The following ERG28 variants were observed in gnomAD, a reference collection of about 807,000 sequenced individuals.
The protein encoded by ERG28 is ergosterol biosynthetic protein 28 homolog.
ERG28 carries 9 observed loss-of-function variants against 15.7 expected under a neutral mutation model. The ratio of observed to expected loss-of-function variants is 0.57; its 90% confidence interval spans 0.35 to 1.00. The LOEUF is 1.00. ERG28 is among the 50% of genes least tolerant of loss of function. ERG28 has a pLI of 0.02. For missense variants in ERG28, 117 were observed against 173.3 expected (o/e 0.68, Z 1.82); for synonymous variants, 61 against 68.4 (o/e 0.89, Z 0.53).
Position 75,650,465 on chromosome 14 carries a change from G to C in ERG28, c.*1090C>G, listed in dbSNP as rs915919582. ...TTTTGGATACACACACTGTGTATGA[G>C]GGTCCAGCTGGGGGAGGCCCTCTGG... is the stretch of plus-strand genomic sequence containing the variant. On this transcript the variant is annotated 3_prime_UTR_variant, in exon 5 of 5. Coordinates refer to ENST00000256319, the MANE Select transcript of ERG28 (RefSeq NM_007176.4). 1 of 152,278 alleles carries C rather than the reference G, an allele frequency of 6.6e-6. No individual in the cohort carries two copies. The highest frequency in any genetic ancestry group is 2.4e-5 in the African/African-American group (1 of 41,470). The allele number at this position is 152,278 out of a possible 1,614,324, so 9.4% of individuals were successfully genotyped here. A position where few individuals can be genotyped will look rare whatever the true frequency, so the allele number is the denominator to read the frequency against.
intron 1 of ERG28, among the ~76,000 whole-genome samples, chr14:75,658,056 A>G (rs1890620454): frequency 6.6e-6 from 1 of 152,228 alleles, no homozygotes; most frequent in Non-Finnish European, 1.5e-5. Context: ...TCCTAAGCCC[A>G]TCACGGACTG....
In ERG28 at chr14:75,651,792, G is replaced by C; in HGVS notation, c.322C>G (p.Leu108Val). 1 of 1,613,880 alleles carries C rather than the reference G, an allele frequency of 6.2e-7. No individual in the cohort carries two copies. Among genetic ancestry groups the C allele is most frequent in the Non-Finnish European group, 8.5e-7 (1 of 1,179,748 alleles). ...TTACTTGCCACCATCAGGGGTGCCA[G>C]GACGCCAATCGTGGGAGCTGCAGTT... The part of the protein sequence containing the change: ...YGTAAPTIGV[L>V]APLMVASFSI... Residue 108 changes from leucine to valine, a missense_variant, in exon 4 of 5, where the codon CTG becomes GTG. By Grantham distance (32) the Leu-to-Val change is conservative. Transcript: ENST00000256319.
In ERG28 at chr14:75,654,996, A is replaced by C; in HGVS notation, c.134-20T>G. 6.2e-7 allele frequency: 1 copy of C among 1,600,872 alleles called. No homozygotes were observed. Among genetic ancestry groups the C allele is most frequent in the East Asian group, 2.2e-5 (1 of 44,804 alleles). On this transcript the variant is annotated intron_variant, in intron 2 of 4. Transcript: ENST00000256319. Reference sequence around the variant, plus strand: ...CATTCACTGTGTAGCAGAAAAAAGCAAGAGTGTTCAGAAGGGGAGACTTGA... The same window carrying C: ...CATTCACTGTGTAGCAGAAAAAAGCCAGAGTGTTCAGAAGGGGAGACTTGA...
Position 75,659,037 on chromosome 14 carries a change from G to A in ERG28, c.-31-1504C>T, listed in dbSNP as rs545454990. On this transcript the variant is annotated intron_variant, in intron 1 of 4. Transcript: ENST00000256319. ...GTTTCAGTCATTGAGCACTTACACC[G>A]TGAACTGTGCCAAGCACCTAACATA... is the stretch of plus-strand genomic sequence containing the variant. 3.2e-4 allele frequency among the ~76,000 whole-genome samples: 49 copies of A among 152,304 alleles called. 1 individual carries two copies. The East Asian group carries it at 8.7e-3, about 27-fold the overall frequency.
chr14:75,656,680 C>A (rs1890602263), intron 2 of ERG28, among the ~76,000 whole-genome samples: 1 of 152,186 alleles, frequency 6.6e-6, no homozygotes, highest in African/African-American at 2.4e-5. Flanking sequence ...GCAGCTTAAA[C>A]TACCCCACAC....
chr14:75,652,826 T>C (rs1442366242), intron 3 of ERG28, among the ~76,000 whole-genome samples: 1 of 143,130 alleles, frequency 7.0e-6, no homozygotes, highest in East Asian at 2.0e-4. Context: ...CCTTTTTTTT[T>C]TTTTTTTTTT....
rs989951683 is a variant in ERG28, at chr14:75,650,450, A to C, written c.*1105T>G. On this transcript the variant is annotated 3_prime_UTR_variant, in exon 5 of 5. Transcript: ENST00000256319. ...GAAATAGCAATGGCCTTTTGGATAC[A>C]CACACTGTGTATGAGGGTCCAGCTG... 1.3e-5 allele frequency: 2 copies of C among 152,252 alleles called. No individual in the cohort carries two copies. The highest frequency in any genetic ancestry group is 4.8e-5 in the African/African-American group (2 of 41,468). The allele number at this position is 152,252 out of a possible 1,614,324, so 9.4% of individuals were successfully genotyped here.
chr14:75,654,252 G>C (rs988616682), intron 3 of ERG28, among the ~76,000 whole-genome samples: 1 of 152,222 alleles, frequency 6.6e-6, no homozygotes, highest in Non-Finnish European at 1.5e-5. Context: ...GCCTCCCTCG[G>C]TGACCTGAAC....
At chr14:75,653,862 G>T (rs538260701) in intron 3 of ERG28, among the ~76,000 whole-genome samples, 6 of 151,892 alleles carry the variant, frequency 4.0e-5, no homozygotes, top group Admixed American at 6.5e-5. Flanking sequence ...GTTACCAACA[G>T]AACTGGGCCC....
chr14:75,660,789 C>A lies in ERG28; in HGVS notation c.-46G>T, dbSNP rs1037362842. The A allele has an allele frequency of 6.5e-6, 1 of 153,018 alleles. No individual in the cohort carries two copies. The highest frequency in any genetic ancestry group is 6.5e-5 in the Admixed American group (1 of 15,286). The allele number at this position is 153,018 out of a possible 1,614,324, so 9.5% of individuals were successfully genotyped here. On this transcript the variant is annotated 5_prime_UTR_variant, in exon 1 of 5. Transcript: ENST00000256319. ...ATTCTCCTTACCTGGCGACCGGGCC[C>A]CCAGCACAGCAGTGGCAGCAGCAGC... is the stretch of plus-strand genomic sequence containing the variant.
intron 2 of ERG28, among the ~76,000 whole-genome samples, chr14:75,656,279 A>AACACACACACAC (rs34053718): frequency 3.1e-4 from 42 of 135,982 alleles, no homozygotes; most frequent in East Asian, 6.5e-4. Flanking sequence ...GTGCTGGCTG[A>AACACACACACAC]ACACACACAC....
chr14:75,652,238 T>G (rs1294211795), intron 3 of ERG28, among the ~76,000 whole-genome samples: 1 of 152,230 alleles, frequency 6.6e-6, no homozygotes, highest in Non-Finnish European at 1.5e-5. Context: ...CATATTCTAT[T>G]TATCCAAATT....
chr14:75,656,701 T>G (rs1890602661), intron 2 of ERG28, among the ~76,000 whole-genome samples: 1 of 152,282 alleles, frequency 6.6e-6, no homozygotes, highest in South Asian at 2.1e-4. Context: ...ATCAGCGTGA[T>G]GAAGTGGAAG....
At chr14:75,655,428 T>C (rs1890584933) in intron 2 of ERG28, among the ~76,000 whole-genome samples, 1 of 152,172 alleles carries the variant, frequency 6.6e-6, no homozygotes, top group South Asian at 2.1e-4. Flanking sequence ...TAGATGCCCA[T>C]ATATGGTCTT....
chr14:75,651,399 A>G lies in ERG28; in HGVS notation c.*156T>C, dbSNP rs753841009. ...ACGTACATGTTATATACTTTTCAGTATGCATATCTTTAAATTTTAAAAATT... is the reference window on the plus strand; with the variant it reads ...ACGTACATGTTATATACTTTTCAGTGTGCATATCTTTAAATTTTAAAAATT... On this transcript the variant is annotated 3_prime_UTR_variant, in exon 5 of 5. Transcript: ENST00000256319. The G allele has an allele frequency of 4.2e-5, 27 of 641,526 alleles. 1 individual carries two copies. The highest frequency in any genetic ancestry group is 6.1e-5 in the Non-Finnish European group (23 of 374,218). The allele number at this position is 641,526 out of a possible 1,614,324, so 39.7% of individuals were successfully genotyped here.
chr14:75,659,380 CAG>C (rs1890644141), intron 1 of ERG28, among the ~76,000 whole-genome samples: 1 of 151,784 alleles, frequency 6.6e-6, no homozygotes, highest in African/African-American at 2.4e-5. Context: ...TTTTTTGAGA[CAG>C]GGTCTTGCTC....
At chr14:75,658,032 A>G (rs1890620032) in intron 1 of ERG28, among the ~76,000 whole-genome samples, 1 of 152,212 alleles carries the variant, frequency 6.6e-6, no homozygotes, top group African/African-American at 2.4e-5. Flanking sequence ...GCTGTGTGTC[A>G]ACTCCAAATA....
intron 3 of ERG28, among the ~76,000 whole-genome samples, chr14:75,653,867 G>A (rs964637372): frequency 2.0e-5 from 3 of 151,898 alleles, no homozygotes; most frequent in African/African-American, 7.3e-5. Context: ...CAACAGAACT[G>A]GGCCCAGAAC....
intron 2 of ERG28, among the ~76,000 whole-genome samples, chr14:75,656,282 A>ACG (rs1555378856): frequency 3.0e-5 from 2 of 67,606 alleles, no homozygotes; most frequent in Non-Finnish European, 5.1e-5. Context: ...CTGGCTGAAC[A>ACG]CACACACACA....
Sources: gnomAD v4.1 joint callset for allele counts (sites outside exome capture counted in the v4.1 genomes callset) on GRCh38, gnomAD v4.1.1 for gene constraint, MANE v1.5 for transcripts, NCBI Gene and HGNC (gene_info 2026-07-23, HGNC 2026-07-21) for gene names.